TMEM131L: variants seen among roughly 807,000 people sequenced by gnomAD.
TMEM131L encodes transmembrane 131 like.
A neutral mutation model predicts 192.2 loss-of-function variants in TMEM131L; 54 were observed. The observed-to-expected ratio is 0.28, with a 90% CI of 0.23 to 0.35. The LOEUF (loss-of-function observed/expected upper bound fraction) is 0.35. TMEM131L is among the 10% of genes least tolerant of loss of function. The pLI, the probability that TMEM131L is intolerant of heterozygous loss-of-function variation, is 1.00. For missense variants in TMEM131L, 1,888 were observed against 1,972.9 expected (o/e 0.96, Z 0.82); for synonymous variants, 701 against 704.9 (o/e 0.99, Z 0.09).
At chr4:153,611,889 G>A (rs1732642230) in intron 25 of TMEM131L, among the ~76,000 whole-genome samples, 1 of 152,158 alleles carries the variant, frequency 6.6e-6, no homozygotes, top group Admixed American at 6.5e-5. Context: ...GTTGTGCAAT[G>A]AGTCATGCTG....
intron 25 of TMEM131L, among the ~76,000 whole-genome samples, chr4:153,610,383 C>T (rs1732528683): frequency 6.6e-6 from 1 of 152,144 alleles, no homozygotes; most frequent in South Asian, 2.1e-4. Flanking sequence ...AAAAACATGC[C>T]ATGATGCTTT....
chr4:153,476,454 T>G (rs1731543638), intron 3 of TMEM131L, among the ~76,000 whole-genome samples: 1 of 152,030 alleles, frequency 6.6e-6, no homozygotes, highest in African/African-American at 2.4e-5. Context: ...TCACAGCACT[T>G]TGGGAAGCTG....
chr4:153,593,959 CT>C, intron 19 of TMEM131L, 88 bp downstream of exon 19: 1 of 841,602 alleles, frequency 1.2e-6, no homozygotes, highest in Non-Finnish European at 2.0e-6. Context: ...TTTAAAATGT[CT>C]TTTATTTACT....
rs749109251 is a variant in TMEM131L at position 153,583,234 on chromosome 4, C to A, written c.937C>A (p.Leu313Ile). 2 of 1,444,862 alleles carry A rather than the reference C, an allele frequency of 1.4e-6. No homozygotes were observed. Among genetic ancestry groups the A allele is most frequent in the African/African-American group, 1.4e-5 (1 of 71,598 alleles). 89.5% of individuals were successfully genotyped at this position (1,444,862 alleles called of 1,614,324 possible). A position where few individuals can be genotyped will look rare whatever the true frequency, so the allele number is the denominator to read the frequency against. ...GTATATATTACATTCAGGAAACAGC[C>A]TTATATGGATACAGGTAATTGTAAA... is the stretch of plus-strand genomic sequence containing the variant. ...NMYILHSGNSLIWIQDIRHFS... is the reference protein window; with the variant it reads ...NMYILHSGNSIIWIQDIRHFS... Residue 313 changes from leucine (L) to isoleucine (I), a missense_variant, in exon 10 of 35, where the codon CTT becomes ATT. By Grantham distance (5) the Leu-to-Ile change is conservative (BLOSUM62 2). Coordinates refer to ENST00000409959, the MANE Select transcript of TMEM131L (RefSeq NM_001131007.2).
intron 26 of TMEM131L, among the ~76,000 whole-genome samples, chr4:153,618,929 C>T (rs1313001471): frequency 6.6e-6 from 1 of 152,168 alleles, no homozygotes; most frequent in African/African-American, 2.4e-5. Context: ...CTCCTCACTG[C>T]CCAGTGCTTC....
intron 7 of TMEM131L, among the ~76,000 whole-genome samples, chr4:153,559,161 T>C (rs1728688143): frequency 6.6e-6 from 1 of 152,174 alleles, no homozygotes; most frequent in South Asian, 2.1e-4. Context: ...TGGTCTAGAG[T>C]TTGTATCTGC....
At chr4:153,588,428 CA>C in intron 15 of TMEM131L, among the ~76,000 whole-genome samples, 1 of 147,136 alleles carries the variant, frequency 6.8e-6, no homozygotes, top group South Asian at 2.2e-4. Context: ...ATGAGGTGAA[CA>C]ATAGACCAGT....
intron 3 of TMEM131L, among the ~76,000 whole-genome samples, chr4:153,528,087 C>T (rs116814958): frequency 1.3e-5 from 2 of 152,148 alleles, no homozygotes; most frequent in African/African-American, 2.4e-5. Flanking sequence ...GTTGAGTTCT[C>T]TCATCTCTGA....
At chr4:153,629,024 C>T (rs72952883) in intron 31 of TMEM131L, among the ~76,000 whole-genome samples, 2,131 of 152,250 alleles carry the variant, frequency 0.014, 45 homozygotes, top group African/African-American at 0.049. Context: ...TCCATTGTTA[C>T]AGTCATTTCC....
intron 7 of TMEM131L, among the ~76,000 whole-genome samples, chr4:153,560,336 A>C (rs1328508900): frequency 6.6e-6 from 1 of 152,174 alleles, no homozygotes; most frequent in Non-Finnish European, 1.5e-5. Context: ...GGCTGTCCTC[A>C]CAGGCCACGT....
At chr4:153,488,219 T>C (rs1484941773) in intron 3 of TMEM131L, among the ~76,000 whole-genome samples, 2 of 151,548 alleles carry the variant, frequency 1.3e-5, no homozygotes, top group Non-Finnish European at 2.9e-5. Flanking sequence ...AGAATGAGGG[T>C]GCGTGAGTGC....
At chr4:153,492,385 T>C (rs2149897539) in intron 3 of TMEM131L, among the ~76,000 whole-genome samples, 1 of 152,352 alleles carries the variant, frequency 6.6e-6, no homozygotes, top group East Asian at 1.9e-4. Flanking sequence ...AGCTAAACCT[T>C]ATCCAAATTA....
In TMEM131L at chr4:153,566,518, A is replaced by AGTGTGTGT. The variant is rs35949558; in HGVS notation, c.660+8177_660+8184dup. Among the ~76,000 whole-genome samples, 722 of 145,852 alleles carry AGTGTGTGT rather than the reference A, an allele frequency of 5.0e-3. 17 individuals are homozygous for AGTGTGTGT. The highest frequency in any genetic ancestry group is 5.3e-3 in the East Asian group (26 of 4,922). On this transcript the variant is annotated intron_variant, in intron 7 of 34. Coordinates refer to ENST00000409959, the MANE Select transcript of TMEM131L (RefSeq NM_001131007.2). ...AGTTTTGTCTTTGTGTGTGAGTGTG[A>AGTGTGTGT]GTGTGTGTGTGTGTGTGTGTGTGTG...
chr4:153,501,929 G>T (rs893785460), intron 3 of TMEM131L, among the ~76,000 whole-genome samples: 23 of 143,848 alleles, frequency 1.6e-4, no homozygotes, highest in Admixed American at 8.4e-4. Context: ...CTTCCTGGAA[G>T]TATCCCCCAA....
At chr4:153,612,136 T>C in intron 25 of TMEM131L, 116 bp from the exon 26 acceptor site, 1 of 665,252 alleles carries the variant, frequency 1.5e-6, no homozygotes, top group South Asian at 2.7e-5. Flanking sequence ...TTAAAAACAA[T>C]GCTAAATTTA....
rs1440163720 is a variant in TMEM131L, at chr4:153,604,091, C to T, written c.3079C>T (p.Arg1027Cys). 7.4e-6 allele frequency: 12 copies of T among 1,614,056 alleles called. No homozygotes were observed. Among genetic ancestry groups the T allele is most frequent in the Middle Eastern group, 1.6e-4 (1 of 6,084 alleles). Residue 1027 changes from arginine to cysteine, a missense_variant, in exon 25 of 35, where the codon CGT (arginine) becomes TGT (cysteine). Transcript: ENST00000409959. The stretch of plus-strand genomic sequence containing the variant: ...AGAGGACATTTGCACTGATGCCATG[C>T]GTGAGAACTGGATCAGCCTCAGATA... ...AKEDICTDAMRENWISLRYAS... is the reference protein window; with the variant it reads ...AKEDICTDAMCENWISLRYAS...
At chr4:153,486,802 G>A (rs1178749699) in intron 3 of TMEM131L, among the ~76,000 whole-genome samples, 2 of 152,224 alleles carry the variant, frequency 1.3e-5, no homozygotes, top group African/African-American at 4.8e-5. Context: ...GTGGAACCAC[G>A]TGATCAGCTC....
intron 3 of TMEM131L, among the ~76,000 whole-genome samples, chr4:153,516,764 C>T (rs1734760717): frequency 6.6e-6 from 1 of 152,090 alleles, no homozygotes; most frequent in Non-Finnish European, 1.5e-5. Flanking sequence ...TTGTCAGTTT[C>T]TTACGAGCCT....
chr4:153,611,541 A>G (rs956135354), intron 25 of TMEM131L, among the ~76,000 whole-genome samples: 1 of 152,234 alleles, frequency 6.6e-6, no homozygotes, highest in Non-Finnish European at 1.5e-5. Context: ...ATAGTTGTGC[A>G]GCCATCACCA....
Sources: allele counts gnomAD v4.1 joint callset (sites outside exome capture counted in the v4.1 genomes callset), GRCh38; gene constraint gnomAD v4.1.1; transcripts MANE v1.5; gene names NCBI Gene and HGNC (gene_info 2026-07-23, HGNC 2026-07-21).